The following CLYBL variants were observed in gnomAD, a reference collection of about 807,000 sequenced individuals.
CLYBL encodes citramalyl-CoA lyase, mitochondrial.
A neutral mutation model predicts 38.9 loss-of-function variants in CLYBL; 31 were observed. That is an observed-to-expected ratio of 0.80 (90% CI 0.60 to 1.08). The LOEUF is 1.08. Ranked by LOEUF, CLYBL falls within the 50% of genes least tolerant of loss-of-function variation. The pLI is 0.00. For synonymous variants in CLYBL, 171 were observed against 158.6 expected, an observed-to-expected ratio of 1.08 and a Z score of -0.59; for missense variants, 434 against 411.6, an observed-to-expected ratio of 1.05 and a Z score of -0.47.
At chr13:99,846,068 A>C (rs191072324) in intron 2 of CLYBL, among the ~76,000 whole-genome samples, 11 of 152,114 alleles carry the variant, frequency 7.2e-5, no homozygotes, top group African/African-American at 2.4e-4. Context: ...ATGGGGGAGC[A>C]TGAGGCTGTA....
chr13:99,644,251 GTGTA>G (rs1356009830), intron 1 of CLYBL, among the ~76,000 whole-genome samples: 1 of 151,878 alleles, frequency 6.6e-6, no homozygotes, highest in East Asian at 1.9e-4. Context: ...TGTATATGTG[GTGTA>G]TGTATGTATA....
intron 1 of CLYBL, among the ~76,000 whole-genome samples, chr13:99,758,518 C>T (rs1249282426): frequency 6.6e-6 from 1 of 152,204 alleles, no homozygotes; most frequent in Non-Finnish European, 1.5e-5. Context: ...CAATTGTATT[C>T]ATACGCTGTA....
At chr13:99,781,234 G>A (rs940224174) in intron 2 of CLYBL, among the ~76,000 whole-genome samples, 29 of 151,386 alleles carry the variant, frequency 1.9e-4, no homozygotes, top group African/African-American at 6.3e-4. Flanking sequence ...GCAGTGGTGC[G>A]ATCTTGGCTC....
intron 1 of CLYBL, among the ~76,000 whole-genome samples, chr13:99,627,778 T>A (rs892327406): frequency 3.3e-5 from 5 of 152,228 alleles, no homozygotes; most frequent in African/African-American, 9.7e-5. Flanking sequence ...GGTTTTAGAT[T>A]GTTTTTCTCC....
chr13:99,611,503 T>A (rs1202150676), intron 1 of CLYBL, among the ~76,000 whole-genome samples: 1 of 152,220 alleles, frequency 6.6e-6, no homozygotes, highest in Non-Finnish European at 1.5e-5. Flanking sequence ...TAAACCCCAC[T>A]GATTGTGATG....
chr13:99,615,383 A>G (rs1287656481), intron 1 of CLYBL, among the ~76,000 whole-genome samples: 1 of 152,248 alleles, frequency 6.6e-6, no homozygotes, highest in African/African-American at 2.4e-5. Flanking sequence ...CGGAAAAGCA[A>G]GCTGGGCTCC....
At chr13:99,715,640 A>G (rs1399337171) in intron 1 of CLYBL, among the ~76,000 whole-genome samples, 1 of 152,048 alleles carries the variant, frequency 6.6e-6, no homozygotes, top group Non-Finnish European at 1.5e-5. Context: ...GATTACAGGT[A>G]TGAATCACTA....
At chr13:99,890,607 A>G (rs1461979984) in intron 7 of CLYBL, among the ~76,000 whole-genome samples, 2 of 152,124 alleles carry the variant, frequency 1.3e-5, no homozygotes. Flanking sequence ...CTGGGAGTAC[A>G]GGCGTGCACC....
At chr13:99,873,420 C>G in intron 7 of CLYBL, among the ~76,000 whole-genome samples, 1 of 152,152 alleles carries the variant, frequency 6.6e-6, no homozygotes, top group East Asian at 1.9e-4. Context: ...CACGTGAACC[C>G]TCAGATATTT....
At chr13:99,644,299 A>G (rs547679905) in intron 1 of CLYBL, among the ~76,000 whole-genome samples, 9 of 152,098 alleles carry the variant, frequency 5.9e-5, no homozygotes, top group African/African-American at 4.8e-5. Flanking sequence ...AGCTCTCACT[A>G]TAAATACACT....
chr13:99,715,520 A>T (rs1286723239), intron 1 of CLYBL, among the ~76,000 whole-genome samples: 3 of 150,230 alleles, frequency 2.0e-5, no homozygotes, highest in Non-Finnish European at 4.4e-5. Context: ...CTCCTGCCTT[A>T]GCCTCCCAAG....
intron 1 of CLYBL, among the ~76,000 whole-genome samples, chr13:99,765,849 C>CTTTTT: frequency 7.9e-6 from 1 of 126,186 alleles, no homozygotes; most frequent in East Asian, 2.3e-4. Context: ...CAAGTCGAGT[C>CTTTTT]TTTTTTTTTT....
At chr13:99,831,721 CTTT>C (rs75837569) in intron 2 of CLYBL, among the ~76,000 whole-genome samples, 1 of 138,972 alleles carries the variant, frequency 7.2e-6, no homozygotes, top group Non-Finnish European at 1.6e-5. Flanking sequence ...CATTTTCTTT[CTTT>C]TTTTTTTTTT....
rs549454062 is a variant in CLYBL at position 99,751,069 on chromosome 13, A to G, written c.63-21755A>G. Among the ~76,000 whole-genome samples, 335 of 152,310 alleles carry G rather than the reference A, an allele frequency of 2.2e-3. 1 individual carries two copies. Among genetic ancestry groups the G allele is most frequent in the African/African-American group, 7.7e-3 (322 of 41,568 alleles). On this transcript the variant is annotated intron_variant, in intron 1 of 8. Coordinates refer to ENST00000339105, the MANE Select transcript of CLYBL (RefSeq NM_206808.5). ...GTACAGCCATGTTCGTAGCAGCACT[A>G]TTCACATTAGCAAAGAGGTGGCAGC...
rs60823434 is a variant in CLYBL, at chr13:99,764,117, G to T, written c.63-8707G>T. ...GAGTGCAGCAGTGCAGTCACAGCTCGGTGCAGTCACAGCTCACTGCAGCCT... is the reference window on the plus strand; with the variant it reads ...GAGTGCAGCAGTGCAGTCACAGCTCTGTGCAGTCACAGCTCACTGCAGCCT... On this transcript the variant is annotated intron_variant, in intron 1 of 8. Transcript: ENST00000339105. Among the ~76,000 whole-genome samples, 4 of 138,712 alleles carry T rather than the reference G, an allele frequency of 2.9e-5. No individual in the cohort carries two copies. The East Asian group carries it at 7.8e-4, about 27-fold the overall frequency. 91.0% of individuals were successfully genotyped at this position (138,712 alleles called of 152,430 possible). A position where few individuals can be genotyped will look rare whatever the true frequency, so the allele number is the denominator to read the frequency against.
chr13:99,810,196 C>G (rs1267750342), intron 2 of CLYBL, among the ~76,000 whole-genome samples: 1 of 152,246 alleles, frequency 6.6e-6, no homozygotes, highest in South Asian at 2.1e-4. Context: ...TGTAGCTCCT[C>G]TCCTCTCCGG....
chr13:99,870,678 T>G (rs1032759694), intron 6 of CLYBL, among the ~76,000 whole-genome samples: 1 of 152,180 alleles, frequency 6.6e-6, no homozygotes, highest in African/African-American at 2.4e-5. Flanking sequence ...AAATAAGAGA[T>G]TATCTGCCCT....
intron 1 of CLYBL, among the ~76,000 whole-genome samples, chr13:99,637,947 C>T (rs1174037747): frequency 7.1e-6 from 1 of 140,746 alleles, no homozygotes; most frequent in Non-Finnish European, 1.5e-5. Flanking sequence ...ATCTAGTTAT[C>T]CAAGTCAACA....
intron 2 of CLYBL, among the ~76,000 whole-genome samples, chr13:99,815,614 G>A (rs1007995628): frequency 3.3e-5 from 5 of 152,094 alleles, no homozygotes; most frequent in Admixed American, 6.6e-5. Flanking sequence ...GGCCAGGCAC[G>A]GTGGCTCAGG....
Sources: allele counts gnomAD v4.1 joint callset (sites outside exome capture counted in the v4.1 genomes callset), GRCh38; gene constraint gnomAD v4.1.1; transcripts MANE v1.5; gene names NCBI Gene and HGNC (gene_info 2026-07-23, HGNC 2026-07-21).